Variants in METTL15 observed in about 807,000 individuals in gnomAD.
METTL15 encodes the protein 12S rRNA N(4)-cytidine methyltransferase METTL15.
In METTL15, 34 loss-of-function variants were observed where a neutral mutation model predicts 38.3. The observed-to-expected ratio is 0.89, with a 90% CI of 0.68 to 1.18. METTL15 has a LOEUF of 1.18. Ranked by LOEUF, METTL15 falls within the 50% of genes most tolerant of loss-of-function variation. The pLI, the probability that METTL15 is intolerant of heterozygous loss-of-function variation, is 0.00. For synonymous variants in METTL15, 162 were observed against 170.9 expected (o/e 0.95, Z 0.41); for missense variants, 438 against 498.4 (o/e 0.88, Z 1.15).
At chr11:28,336,748 C>T (rs1255625283), downstream of METTL15, among the ~76,000 whole-genome samples, 3 of 152,154 alleles carry the variant, frequency 2.0e-5, no homozygotes, top group Admixed American at 6.6e-5. Flanking sequence ...CCTGCACTGC[C>T]AGTCAGTACA....
At position 28,178,710 on chromosome 11, in the gene METTL15, TAA is replaced by T. The variant is rs1391823489; in HGVS notation, c.271-32351_271-32350del. On this transcript the variant is annotated intron_variant, in intron 3 of 6. Transcript: ENST00000407364. ...TTTAATAGTCCCATTTTTCAAAATTTAAGTGTTAATCTTTTTATTGTTTTGAA... is the reference window on the plus strand; with the variant it reads ...TTTAATAGTCCCATTTTTCAAAATTTGTGTTAATCTTTTTATTGTTTTGAA... 4.0e-5 allele frequency among the ~76,000 whole-genome samples: 6 copies of T among 151,880 alleles called. No homozygotes were observed. In the East Asian group the frequency reaches 1.2e-3, roughly 29 times the overall value.
At chr11:28,274,302 T>C (rs2133962197) in intron 4 of METTL15, among the ~76,000 whole-genome samples, 1 of 152,208 alleles carries the variant, frequency 6.6e-6, no homozygotes, top group South Asian at 2.1e-4. Flanking sequence ...TTTCTTTTCC[T>C]TAGACTAAAA....
intron 5 of METTL15, among the ~76,000 whole-genome samples, chr11:28,411,161 A>G (rs572258715): frequency 6.6e-6 from 1 of 152,144 alleles, no homozygotes; most frequent in South Asian, 2.1e-4. Flanking sequence ...TTGTTAATAT[A>G]TTCATACTAC....
intron 4 of METTL15, among the ~76,000 whole-genome samples, chr11:28,246,764 G>A (rs1854530847): frequency 6.6e-6 from 1 of 152,052 alleles, no homozygotes; most frequent in South Asian, 2.1e-4. Context: ...GATACACATG[G>A]GTAATGTCTG....
chr11:28,164,443 G>A (rs1850583600), intron 3 of METTL15, among the ~76,000 whole-genome samples: 1 of 151,968 alleles, frequency 6.6e-6, no homozygotes, highest in Non-Finnish European at 1.5e-5. Flanking sequence ...AACTGACATT[G>A]CCATAATTTA....
intron 6 of METTL15, among the ~76,000 whole-genome samples, chr11:28,309,978 C>T (rs1489768522): frequency 6.6e-6 from 1 of 152,152 alleles, no homozygotes; most frequent in Non-Finnish European, 1.5e-5. Context: ...CCACTCAGAT[C>T]CATCTGCATT....
chr11:28,154,246 C>G lies in METTL15; in HGVS notation c.270+40642C>G, dbSNP rs572873950. Among the ~76,000 whole-genome samples the G allele has an allele frequency of 5.3e-5, 8 of 152,192 alleles. No individual in the cohort carries two copies. The East Asian group carries it at 1.5e-3, about 29-fold the overall frequency. On this transcript the variant is annotated intron_variant, in intron 3 of 6. Coordinates refer to ENST00000407364, the MANE Select transcript of METTL15 (RefSeq NM_001113528.2). Reference sequence around the variant, plus strand: ...TGTTCTTTCTCTTTCTTGTTACTTGCTTTATGATCTTGGACAAGCCACTTG... The same window carrying G: ...TGTTCTTTCTCTTTCTTGTTACTTGGTTTATGATCTTGGACAAGCCACTTG...
At chr11:28,444,975 G>T (rs183934071) in intron 6 of METTL15, among the ~76,000 whole-genome samples, 9 of 152,262 alleles carry the variant, frequency 5.9e-5, no homozygotes, top group Non-Finnish European at 1.3e-4. Flanking sequence ...TGGGACCGAG[G>T]AGCTGGCTAC....
At chr11:28,226,961 C>T (rs1407537947) in intron 4 of METTL15, among the ~76,000 whole-genome samples, 1 of 151,800 alleles carries the variant, frequency 6.6e-6, no homozygotes, top group East Asian at 1.9e-4. Flanking sequence ...CCATTTTGAA[C>T]TATTGATGAT....
intron 6 of METTL15, among the ~76,000 whole-genome samples, chr11:28,521,231 T>A (rs1333322591): frequency 6.6e-6 from 1 of 152,210 alleles, no homozygotes; most frequent in African/African-American, 2.4e-5. Context: ...CCTTATTTAG[T>A]GCCAAGTATA....
At chr11:28,233,054 A>T (rs893484012) in intron 4 of METTL15, among the ~76,000 whole-genome samples, 12 of 152,174 alleles carry the variant, frequency 7.9e-5, no homozygotes, top group Admixed American at 7.2e-4. Flanking sequence ...TATTTTTTTT[A>T]AATTATGCCC....
chr11:28,532,094 G>T, the METTL15 span, among the ~76,000 whole-genome samples: 1 of 152,054 alleles, frequency 6.6e-6, no homozygotes, highest in Non-Finnish European at 1.5e-5. Context: ...ACCATCATCA[G>T]CATCAGCTAT....
intron 6 of METTL15, among the ~76,000 whole-genome samples, chr11:28,495,816 A>G (rs1364653800): frequency 6.6e-6 from 1 of 152,152 alleles, no homozygotes; most frequent in Non-Finnish European, 1.5e-5. Flanking sequence ...CCAGGCCTAA[A>G]GAAGAGACTA....
chr11:28,169,378 T>C (rs1487944273), intron 3 of METTL15, among the ~76,000 whole-genome samples: 1 of 152,134 alleles, frequency 6.6e-6, no homozygotes, highest in Non-Finnish European at 1.5e-5. Flanking sequence ...TTAAAACTGA[T>C]ATTATGATTT....
intron 6 of METTL15, among the ~76,000 whole-genome samples, chr11:28,504,291 G>A (rs561148270): frequency 4.0e-5 from 6 of 151,404 alleles, no homozygotes; most frequent in African/African-American, 1.5e-4. Flanking sequence ...AATGCATGAA[G>A]CATGTTGAAC....
intron 3 of METTL15, among the ~76,000 whole-genome samples, chr11:28,118,400 TAAAG>T (rs1420882310): frequency 1.1e-4 from 16 of 152,176 alleles, no homozygotes; most frequent in Admixed American, 7.2e-4. Context: ...AAGGAGAAAT[TAAAG>T]AAATTATAAT....
chr11:28,414,119 G>A (rs1202965155), intron 5 of METTL15, among the ~76,000 whole-genome samples: 1 of 152,024 alleles, frequency 6.6e-6, no homozygotes, highest in African/African-American at 2.4e-5. Context: ...GAATGTTAAG[G>A]CAAACCAAAG....
At chr11:28,140,492 A>G (rs971135593) in intron 3 of METTL15, among the ~76,000 whole-genome samples, 1 of 152,140 alleles carries the variant, frequency 6.6e-6, no homozygotes, top group Non-Finnish European at 1.5e-5. Context: ...GAGGAGGAGA[A>G]GACTCAGAAA....
At chr11:28,205,128 T>TA (rs1852271600) in intron 3 of METTL15, among the ~76,000 whole-genome samples, 1 of 152,100 alleles carries the variant, frequency 6.6e-6, no homozygotes, top group Non-Finnish European at 1.5e-5. Flanking sequence ...TATTATACTT[T>TA]AAGTTTTAGG....
Sources: allele counts gnomAD v4.1 joint callset (sites outside exome capture counted in the v4.1 genomes callset), GRCh38; gene constraint gnomAD v4.1.1; transcripts MANE v1.5; gene names NCBI Gene and HGNC (gene_info 2026-07-23, HGNC 2026-07-21).